Variants in LARGE1 observed in about 807,000 individuals in gnomAD.
LARGE1 encodes xylosyl- and glucuronyltransferase LARGE1.
Under a neutral mutation model 87.6 loss-of-function variants are expected in LARGE1, and 43 were observed. The observed-to-expected ratio is 0.49, with a 90% CI of 0.38 to 0.63. LARGE1 has a LOEUF of 0.63. LARGE1 is among the 30% of genes least tolerant of loss of function. LARGE1 has a pLI of 0.00. For missense variants in LARGE1, 802 were observed against 1,000.2 expected (o/e 0.80, Z 2.67); for synonymous variants, 434 against 394.6 (o/e 1.10, Z -1.18).
intron 9 of LARGE1, among the ~76,000 whole-genome samples, chr22:33,379,909 G>A (rs1225434578): frequency 6.6e-6 from 1 of 152,064 alleles, no homozygotes; most frequent in East Asian, 1.9e-4. Context: ...AATTTCAAGG[G>A]TTTTAGGAGC....
chr22:33,334,088 A>G (rs576914081), intron 10 of LARGE1, among the ~76,000 whole-genome samples: 8 of 148,492 alleles, frequency 5.4e-5, no homozygotes, highest in Admixed American at 4.8e-4. Context: ...GCGGCACTGC[A>G]CTCCAGCTGG....
At chr22:33,071,350 T>C in the LARGE1 span, among the ~76,000 whole-genome samples, 3 of 152,202 alleles carry the variant, frequency 2.0e-5, no homozygotes, top group Non-Finnish European at 4.4e-5. Context: ...CTGGCTCCTA[T>C]GTGAAAGTGG....
intron 6 of LARGE1, among the ~76,000 whole-genome samples, chr22:33,535,343 A>T (rs544592134): frequency 6.6e-6 from 1 of 152,220 alleles, no homozygotes; most frequent in East Asian, 1.9e-4. Flanking sequence ...CAGGAGTTTG[A>T]GATCAGCCCG....
At chr22:33,561,269 C>A (rs1199724582) in intron 6 of LARGE1, among the ~76,000 whole-genome samples, 1 of 152,174 alleles carries the variant, frequency 6.6e-6, no homozygotes, top group South Asian at 2.1e-4. Flanking sequence ...TTTGCGCCTT[C>A]CATTGAAGAA....
chr22:33,501,906 G>A (rs2148371885), intron 6 of LARGE1, among the ~76,000 whole-genome samples: 1 of 152,284 alleles, frequency 6.6e-6, no homozygotes. Context: ...AAAGTAGGAG[G>A]AACTGGGTGG....
intron 11 of LARGE1, among the ~76,000 whole-genome samples, chr22:33,190,261 C>T (rs1923707281): frequency 6.6e-6 from 1 of 151,998 alleles, no homozygotes; most frequent in African/African-American, 2.4e-5. Context: ...TACTGTTACT[C>T]CCCAGCCTTC....
intron 5 of LARGE1, among the ~76,000 whole-genome samples, chr22:33,570,896 G>A (rs983517115): frequency 1.3e-5 from 2 of 152,058 alleles, no homozygotes; most frequent in Admixed American, 6.6e-5. Context: ...GGTCAATGGA[G>A]AGAAGAGCAC....
rs866440867 is a variant in LARGE1, at chr22:33,421,119, G to A, written c.892+11042C>T. 2.0e-5 allele frequency among the ~76,000 whole-genome samples: 3 copies of A among 152,232 alleles called. No homozygotes were observed. In the South Asian group the frequency reaches 6.2e-4, roughly 32 times the overall value. On this transcript the variant is annotated intron_variant, in intron 7 of 14. Transcript: ENST00000397394. ...TAGGAAAGTTGCTTGAACCCAGGAG[G>A]TGGAGGTTGCAGTGAGCAGAGATCA...
intron 9 of LARGE1, among the ~76,000 whole-genome samples, chr22:33,373,884 G>T (rs1359656741): frequency 1.4e-5 from 2 of 141,914 alleles, no homozygotes; most frequent in Non-Finnish European, 3.0e-5. Flanking sequence ...TGAGGCAGGA[G>T]AATCACTTGA....
intron 2 of LARGE1, among the ~76,000 whole-genome samples, chr22:33,655,526 G>A (rs1396584430): frequency 6.6e-6 from 1 of 152,128 alleles, no homozygotes; most frequent in Non-Finnish European, 1.5e-5. Flanking sequence ...GACTCAACCT[G>A]AAGATCTTGG....
intron 1 of LARGE1, among the ~76,000 whole-genome samples, chr22:33,810,223 A>C (rs2086449489): frequency 6.6e-6 from 1 of 152,236 alleles, no homozygotes; most frequent in African/African-American, 2.4e-5. Flanking sequence ...AGGTAAAGAA[A>C]TTGGTTGAGA....
intron 3 of LARGE1, among the ~76,000 whole-genome samples, chr22:33,644,536 A>G (rs2080546778): frequency 6.6e-6 from 1 of 152,226 alleles, no homozygotes; most frequent in Non-Finnish European, 1.5e-5. Flanking sequence ...ACTCCTATTT[A>G]ACATAGTGTT....
chr22:33,396,666 C>T lies in LARGE1; in HGVS notation c.893-12362G>A, dbSNP rs5998912. On this transcript the variant is annotated intron_variant, in intron 7 of 14. Transcript: ENST00000397394. ...GCAACACAGAGACAAAGAACACAGT[C>T]GTCCCTGCCCGAGAGAGCTTGGAGG... Among the ~76,000 whole-genome samples, 719 of 152,212 alleles carry T rather than the reference C, an allele frequency of 4.7e-3. 9 individuals are homozygous for T. Among genetic ancestry groups the T allele is most frequent in the African/African-American group, 0.016 (654 of 41,528 alleles).
intron 10 of LARGE1, among the ~76,000 whole-genome samples, chr22:33,316,603 T>C (rs889300595): frequency 5.9e-5 from 9 of 151,862 alleles, no homozygotes; most frequent in Non-Finnish European, 1.2e-4. Flanking sequence ...TAGCCGGACA[T>C]GGAGGTGTGT....
At chr22:33,799,223 G>T (rs992022336) in intron 1 of LARGE1, among the ~76,000 whole-genome samples, 1 of 152,072 alleles carries the variant, frequency 6.6e-6, no homozygotes, top group Admixed American at 6.6e-5. Flanking sequence ...CCGTGGGTAG[G>T]ATGCGAGCCT....
chr22:33,753,757 G>A (rs562008716), intron 2 of LARGE1, among the ~76,000 whole-genome samples: 17 of 152,252 alleles, frequency 1.1e-4, no homozygotes, highest in Admixed American at 8.5e-4. Context: ...CAAAGGCTAC[G>A]TATAAGAAAA....
intron 11 of LARGE1, among the ~76,000 whole-genome samples, chr22:33,258,870 T>A (rs1271808904): frequency 6.9e-6 from 1 of 144,276 alleles, no homozygotes; most frequent in Non-Finnish European, 1.5e-5. Flanking sequence ...ATAAACTTTA[T>A]GTTTCTTCTT....
chr22:33,375,308 G>A (rs538580535), intron 9 of LARGE1, among the ~76,000 whole-genome samples: 1 of 152,202 alleles, frequency 6.6e-6, no homozygotes, highest in East Asian at 1.9e-4. Context: ...TCCAAAGTTT[G>A]GAGAGATTTT....
In LARGE1 at chr22:33,388,020, C is replaced by A. The variant is rs185891144; in HGVS notation, c.893-3716G>T. On this transcript the variant is annotated intron_variant, in intron 7 of 14. Transcript: ENST00000397394. ...CCTAGGCTTGTTTTTATATTTTTATCCTCTATGCACATAATAACACATGGT... is the reference window on the plus strand; with the variant it reads ...CCTAGGCTTGTTTTTATATTTTTATACTCTATGCACATAATAACACATGGT... Among the ~76,000 whole-genome samples the A allele has an allele frequency of 3.3e-5, 5 of 152,278 alleles. No homozygotes were observed. The East Asian group carries it at 9.6e-4, about 29-fold the overall frequency.
Sources: gnomAD v4.1 joint callset for allele counts (sites outside exome capture counted in the v4.1 genomes callset) on GRCh38, gnomAD v4.1.1 for gene constraint, MANE v1.5 for transcripts, NCBI Gene and HGNC (gene_info 2026-07-23, HGNC 2026-07-21) for gene names.